The following HLF variants were observed in gnomAD, a reference collection of about 807,000 sequenced individuals.
HLF encodes the protein hepatic leukemia factor.
A neutral mutation model predicts 22.6 loss-of-function variants in HLF; 3 were observed. The observed-to-expected ratio is 0.13, with a 90% confidence interval of 0.06 to 0.34. The LOEUF (loss-of-function observed/expected upper bound fraction) is 0.34, where lower values mean the gene tolerates loss of function less well. Among genes scored for constraint, HLF ranks in the 10% least tolerant of loss-of-function variants. The probability of loss-of-function intolerance (pLI) is 1.00; values close to 1 mark genes in which losing one functional copy is unlikely to be tolerated. For missense variants in HLF, 299 were observed against 389.2 expected, an observed-to-expected ratio of 0.77 and a Z score of 1.95; for synonymous variants, 151 against 151.8, an observed-to-expected ratio of 0.99 and a Z score of 0.04.
At chr17:55,288,125 C>G (rs2081022304) in intron 2 of HLF, among the ~76,000 whole-genome samples, 1 of 152,062 alleles carries the variant, frequency 6.6e-6, no homozygotes, top group South Asian at 2.1e-4. Flanking sequence ...TTTCTCGTGA[C>G]TGTTTCACTA....
chr17:55,300,164 A>C (rs968163355), intron 2 of HLF, among the ~76,000 whole-genome samples: 13 of 152,186 alleles, frequency 8.5e-5, no homozygotes, highest in African/African-American at 2.9e-4. Flanking sequence ...ATAGTAATGC[A>C]GCCACTTGAT....
chr17:55,294,611 T>A (rs2081095167), intron 2 of HLF, among the ~76,000 whole-genome samples: 3 of 152,166 alleles, frequency 2.0e-5, no homozygotes, highest in Non-Finnish European at 4.4e-5. Context: ...AATGCAAAAA[T>A]AGATCTCCAT....
chr17:55,284,178 C>T (rs1201905707), intron 2 of HLF: 2 of 152,220 alleles, frequency 1.3e-5, no homozygotes, highest in Non-Finnish European at 2.9e-5. Context: ...CTGAGCCCTT[C>T]CAGCCTCCTA....
intron 2 of HLF, among the ~76,000 whole-genome samples, chr17:55,306,581 T>G (rs1248354590): frequency 6.8e-6 from 1 of 147,360 alleles, no homozygotes; most frequent in Non-Finnish European, 1.5e-5. Context: ...TGTGTATGCA[T>G]GTGTATGTGT....
chr17:55,320,552 C>T lies in HLF; in HGVS notation c.673-112C>T, dbSNP rs138584799. 1.1e-3 allele frequency: 876 copies of T among 827,014 alleles called. 6 individuals carry two copies. In the African/African-American group the frequency reaches 0.014, roughly 13 times the overall value. The allele number at this position is 827,014 out of a possible 1,614,324, so 51.2% of individuals were successfully genotyped here. A position where few individuals can be genotyped will look rare whatever the true frequency, so the allele number is the denominator to read the frequency against. On this transcript the variant is annotated intron_variant, in intron 3 of 3. Transcript: ENST00000226067. The surrounding 1 kb of genome is among the most constrained non-coding windows in gnomAD (Gnocchi z 4.2). ...AAGGAAGGAGACACAAGCTAAGAAA[C>T]CCGGGCTGGCACCTCTGCACAATCC... is the stretch of plus-strand genomic sequence containing the variant.
At chr17:55,268,702 C>G (rs1156924722) in intron 2 of HLF, among the ~76,000 whole-genome samples, 1 of 151,544 alleles carries the variant, frequency 6.6e-6, no homozygotes, top group Non-Finnish European at 1.5e-5. Flanking sequence ...CTCCATCTCT[C>G]TCGTTGCTAT....
intron 2 of HLF, among the ~76,000 whole-genome samples, chr17:55,302,499 G>C (rs1413902527): frequency 6.6e-6 from 1 of 152,132 alleles, no homozygotes; most frequent in Non-Finnish European, 1.5e-5. Context: ...TGTTTCGTTT[G>C]GTTTTAGGGG....
intron 2 of HLF, among the ~76,000 whole-genome samples, chr17:55,292,489 G>T (rs567629782): frequency 6.6e-6 from 1 of 151,934 alleles, no homozygotes; most frequent in South Asian, 2.1e-4. Context: ...AGTCATAATG[G>T]TATTACACAC....
intron 2 of HLF, among the ~76,000 whole-genome samples, chr17:55,287,601 G>A (rs1011382030): frequency 1.2e-4 from 18 of 152,326 alleles, no homozygotes; most frequent in African/African-American, 3.8e-4. Flanking sequence ...ATTCAGAAAG[G>A]ACTGTGTCTG....
chr17:55,305,961 C>T (rs1402341761), intron 2 of HLF, among the ~76,000 whole-genome samples: 1 of 152,178 alleles, frequency 6.6e-6, no homozygotes, highest in East Asian at 1.9e-4. Flanking sequence ...GTTTTCTATT[C>T]CTTTATTTCC....
At chr17:55,277,801 A>G (rs1400554302) in intron 2 of HLF, among the ~76,000 whole-genome samples, 2 of 152,252 alleles carry the variant, frequency 1.3e-5, no homozygotes, top group East Asian at 3.8e-4. Context: ...CTCCAGCTAC[A>G]TAGAGTAGAC....
chr17:55,276,198 T>C (rs926698964), intron 2 of HLF, among the ~76,000 whole-genome samples: 17 of 152,200 alleles, frequency 1.1e-4, no homozygotes, highest in Admixed American at 9.2e-4. Context: ...CTGTTTTTGC[T>C]CTGTGCTTTG....
chr17:55,315,919 T>G (rs998458884), intron 3 of HLF, among the ~76,000 whole-genome samples: 1 of 152,210 alleles, frequency 6.6e-6, no homozygotes, highest in Non-Finnish European at 1.5e-5. Flanking sequence ...GATAGGACCT[T>G]CCTCCATATT....
At chr17:55,281,815 G>A (rs147688423) in intron 2 of HLF, among the ~76,000 whole-genome samples, 1 of 152,232 alleles carries the variant, frequency 6.6e-6, no homozygotes. Context: ...TCTGACTACA[G>A]GCAGCTTAAA....
intron 2 of HLF, among the ~76,000 whole-genome samples, chr17:55,302,948 C>T (rs1009069624): frequency 6.6e-6 from 1 of 152,170 alleles, no homozygotes; most frequent in Non-Finnish European, 1.5e-5. Context: ...TTAAAATGGG[C>T]CCATTTGGCC....
At chr17:55,266,371 G>C (rs1011818837) in intron 1 of HLF, 1 of 152,258 alleles carries the variant, frequency 6.6e-6, no homozygotes, top group Admixed American at 6.5e-5. Flanking sequence ...GGAGGGGTAC[G>C]TGTGATGAGG....
intron 2 of HLF, among the ~76,000 whole-genome samples, chr17:55,311,118 A>G (rs1384598280): frequency 6.6e-6 from 1 of 152,224 alleles, no homozygotes; most frequent in Non-Finnish European, 1.5e-5. Context: ...AACTTAACTA[A>G]TGTATTCTGA....
At position 55,322,314 on chromosome 17, in the gene HLF, T is replaced by C. The variant is rs1256804424; in HGVS notation, c.*1435T>C. Reference sequence around the variant, plus strand: ...GTTTAATGTTTATACAGAGTAATTATAGGAAGTTCTTTTTTGTACAGTATT... The same window carrying C: ...GTTTAATGTTTATACAGAGTAATTACAGGAAGTTCTTTTTTGTACAGTATT... On this transcript the variant is annotated 3_prime_UTR_variant, in exon 4 of 4. Transcript: ENST00000226067. The C allele has an allele frequency of 5.2e-6, 1 of 193,484 alleles. No individual in the cohort carries two copies. The highest frequency in any genetic ancestry group is 2.3e-5 in the African/African-American group (1 of 43,154). The allele number at this position is 193,484 out of a possible 1,614,324, so 12.0% of individuals were successfully genotyped here.
chr17:55,308,109 A>G (rs571247387), intron 2 of HLF, among the ~76,000 whole-genome samples: 1 of 152,318 alleles, frequency 6.6e-6, no homozygotes, highest in African/African-American at 2.4e-5. Flanking sequence ...ATATGTGGCA[A>G]TGGGAAGCCT....
Sources: allele counts gnomAD v4.1 joint callset (sites outside exome capture counted in the v4.1 genomes callset), GRCh38; gene constraint gnomAD v4.1.1; non-coding constraint Gnocchi (gnomAD v3.1); transcripts MANE v1.5; gene names NCBI Gene and HGNC (gene_info 2026-07-23, HGNC 2026-07-21).